The following GRID2 variants were observed in gnomAD, a reference collection of about 807,000 sequenced individuals.
GRID2 encodes glutamate ionotropic receptor delta type subunit 2.
In GRID2, 33 loss-of-function variants were observed where a neutral mutation model predicts 114.8. The observed-to-expected ratio is 0.29, with a 90% CI of 0.22 to 0.38. The LOEUF (loss-of-function observed/expected upper bound fraction) is 0.38. Among genes scored for constraint, GRID2 ranks in the 10% least tolerant of loss-of-function variants. The probability of loss-of-function intolerance (pLI) is 1.00; values close to 1 mark genes in which losing one functional copy is unlikely to be tolerated. For missense variants in GRID2, 1,184 were observed against 1,257.7 expected (o/e 0.94, Z 0.89); for synonymous variants, 505 against 449.9 (o/e 1.12, Z -1.55).
At chr4:93,562,028 C>T (rs1044073862) in intron 13 of GRID2, among the ~76,000 whole-genome samples, 1 of 152,050 alleles carries the variant, frequency 6.6e-6, no homozygotes, top group African/African-American at 2.4e-5. Flanking sequence ...GTTTTCAACT[C>T]CTCTGGGTAA....
rs140593231 is a variant in GRID2 at position 92,321,254 on chromosome 4, C to T, written c.88+16510C>T. Among the ~76,000 whole-genome samples, 365 of 152,222 alleles carry T rather than the reference C, an allele frequency of 2.4e-3. 1 individual carries two copies. The highest frequency in any genetic ancestry group is 4.1e-3 in the Non-Finnish European group (281 of 68,022). ...GACTTCGGGCCTCTTTTTTCCACCT[C>T]CCCTAGAAGACTCCACCTTCATTGT... is the stretch of plus-strand genomic sequence containing the variant. On this transcript the variant is annotated intron_variant, in intron 1 of 15. Transcript: ENST00000282020.
intron 2 of GRID2, among the ~76,000 whole-genome samples, chr4:92,709,556 C>A (rs1342207951): frequency 1.6e-5 from 2 of 125,356 alleles, no homozygotes; most frequent in Non-Finnish European, 3.2e-5. Context: ...TGTGAGGTTC[C>A]TCAAAATAGT....
chr4:93,772,362 G>T lies in GRID2; in HGVS notation c.2888G>T (p.Gly963Val), dbSNP rs371467545. ...TFGNVPEHRT[G>V]PFRHRAPNGG... ...GGCAACGTGCCTGAGCACCGAACTGGCCCTTTTAGGCACAGGGCACCTAAT... is the reference window on the plus strand; with the variant it reads ...GGCAACGTGCCTGAGCACCGAACTGTCCCTTTTAGGCACAGGGCACCTAAT... The change falls in exon 16 of 16, where the codon GGC becomes GTC. Residue 963 changes from glycine to valine, a missense_variant. Gly to Val is a moderately radical substitution (Grantham distance 109, BLOSUM62 -3). Coordinates refer to ENST00000282020, the MANE Select transcript of GRID2 (RefSeq NM_001510.4). The T allele has an allele frequency of 3.1e-6, 5 of 1,613,948 alleles. No individual in the cohort carries two copies. The African/African-American group carries it at 6.7e-5, about 22-fold the overall frequency.
At chr4:93,164,587 C>T (rs1738068207) in intron 4 of GRID2, 2 of 193,086 alleles carry the variant, frequency 1.0e-5, no homozygotes, top group Admixed American at 5.0e-5. Flanking sequence ...GAGAAGTCAG[C>T]TGTTTTTAGG....
intron 2 of GRID2, among the ~76,000 whole-genome samples, chr4:93,077,825 G>A (rs1164580728): frequency 2.0e-5 from 3 of 152,112 alleles, no homozygotes; most frequent in Non-Finnish European, 4.4e-5. Context: ...TTGGGAAAAG[G>A]CCTTTCTAAA....
At chr4:93,544,523 A>G (rs1340517086) in intron 13 of GRID2, among the ~76,000 whole-genome samples, 1 of 152,082 alleles carries the variant, frequency 6.6e-6, no homozygotes, top group East Asian at 1.9e-4. Context: ...GACACCTGTA[A>G]TCCCAGTACT....
At chr4:93,084,342 T>G (rs1452695280) in intron 2 of GRID2, among the ~76,000 whole-genome samples, 2 of 152,202 alleles carry the variant, frequency 1.3e-5, no homozygotes, top group African/African-American at 4.8e-5. Context: ...GGAACCAGAA[T>G]GAGACACTGG....
chr4:93,061,127 TA>T (rs537801671), intron 2 of GRID2, among the ~76,000 whole-genome samples: 3,351 of 146,964 alleles, frequency 0.023, 51 homozygotes, highest in Middle Eastern at 0.056. Flanking sequence ...AATAAATAAA[TA>T]AATAAATAAA....
chr4:92,626,011 T>G (rs761980287), intron 2 of GRID2, among the ~76,000 whole-genome samples: 1 of 151,976 alleles, frequency 6.6e-6, no homozygotes, highest in Non-Finnish European at 1.5e-5. Context: ...ATCAGGGAAG[T>G]CTAGATATCC....
At chr4:93,178,970 C>A (rs114722991) in intron 4 of GRID2, among the ~76,000 whole-genome samples, 207 of 152,142 alleles carry the variant, frequency 1.4e-3, no homozygotes, top group Non-Finnish European at 2.4e-3. Flanking sequence ...GTCAAGATTT[C>A]TGGCTCTTTT....
At chr4:92,515,285 A>G (rs1302734133) in intron 1 of GRID2, among the ~76,000 whole-genome samples, 4 of 151,906 alleles carry the variant, frequency 2.6e-5, no homozygotes, top group Non-Finnish European at 5.9e-5. Context: ...CAATTAACAC[A>G]AGTCTTTAAT....
chr4:93,111,580 A>G (rs557493226), intron 4 of GRID2, among the ~76,000 whole-genome samples: 7 of 152,258 alleles, frequency 4.6e-5, no homozygotes, highest in South Asian at 4.1e-4. Context: ...TAACATCTCT[A>G]TGTTCTAAAA....
intron 2 of GRID2, among the ~76,000 whole-genome samples, chr4:92,639,424 T>C (rs890163267): frequency 2.6e-5 from 4 of 151,826 alleles, no homozygotes; most frequent in Non-Finnish European, 5.9e-5. Flanking sequence ...AAGGAACTGA[T>C]TGGTTTTCTC....
At chr4:92,453,001 T>C (rs1721019809) in intron 1 of GRID2, among the ~76,000 whole-genome samples, 2 of 151,614 alleles carry the variant, frequency 1.3e-5, no homozygotes, top group African/African-American at 4.8e-5. Flanking sequence ...TATGTATCCA[T>C]GTAACTTATG....
At chr4:92,943,583 A>G (rs933440624) in intron 2 of GRID2, among the ~76,000 whole-genome samples, 4 of 152,102 alleles carry the variant, frequency 2.6e-5, no homozygotes, top group Non-Finnish European at 5.9e-5. Flanking sequence ...TCAACTCGTC[A>G]AAGTCATTCT....
Position 92,502,909 on chromosome 4 carries a change from G to C in GRID2, c.89-87222G>C, listed in dbSNP as rs1723761276. On this transcript the variant is annotated intron_variant, in intron 1 of 15. Coordinates refer to ENST00000282020, the MANE Select transcript of GRID2 (RefSeq NM_001510.4). ...ATTTTTGTATTTTTAGTAGAGACGG[G>C]GTTTCACCATGTTAGCCAGGCTGAT... is the stretch of plus-strand genomic sequence containing the variant. 2.0e-5 allele frequency among the ~76,000 whole-genome samples: 3 copies of C among 151,602 alleles called. No homozygotes were observed. The South Asian group carries it at 6.3e-4, about 32-fold the overall frequency.
intron 3 of GRID2, among the ~76,000 whole-genome samples, chr4:93,107,473 A>C (rs2149347553): frequency 6.6e-6 from 1 of 152,284 alleles, no homozygotes; most frequent in South Asian, 2.1e-4. Context: ...CTGATCAAAA[A>C]TTAAAGCTAA....
At chr4:93,554,402 G>A (rs1734095529) in intron 13 of GRID2, among the ~76,000 whole-genome samples, 1 of 151,118 alleles carries the variant, frequency 6.6e-6, no homozygotes, top group Non-Finnish European at 1.5e-5. Flanking sequence ...TAATTAAATT[G>A]TCCATTTATC....
intron 9 of GRID2, among the ~76,000 whole-genome samples, chr4:93,403,731 T>A (rs567304568): frequency 6.6e-6 from 1 of 152,152 alleles, no homozygotes; most frequent in South Asian, 2.1e-4. Flanking sequence ...TAATAACAAA[T>A]GTTGGCAAGG....
Sources: allele counts gnomAD v4.1 joint callset (sites outside exome capture counted in the v4.1 genomes callset), GRCh38; gene constraint gnomAD v4.1.1; transcripts MANE v1.5; gene names NCBI Gene and HGNC (gene_info 2026-07-23, HGNC 2026-07-21).